Variants in CANT1 observed in about 807,000 individuals in gnomAD.
CANT1 encodes the protein soluble calcium-activated nucleotidase 1.
In CANT1, 26 loss-of-function variants were observed where a neutral mutation model predicts 30.0. That is an observed-to-expected ratio of 0.87 (90% CI 0.64 to 1.20). The LOEUF (loss-of-function observed/expected upper bound fraction) is 1.20. Among genes scored for constraint, CANT1 ranks in the 50% most tolerant of loss-of-function variants. The pLI, the probability that CANT1 is intolerant of heterozygous loss-of-function variation, is 0.00. For synonymous variants in CANT1, 246 were observed against 251.8 expected (o/e 0.98, Z 0.22); for missense variants, 518 against 563.0 (o/e 0.92, Z 0.81).
At chr17:79,004,249 G>C (rs573671708) in intron 1 of CANT1, among the ~76,000 whole-genome samples, 3 of 51,614 alleles carry the variant, frequency 5.8e-5, no homozygotes, top group African/African-American at 2.2e-4. Flanking sequence ...AGGGGAGCTA[G>C]GGAGAGGACA....
Position 79,005,144 on chromosome 17 carries a change from G to A in CANT1, c.-147+4520C>T, listed in dbSNP as rs1488070436. Among the ~76,000 whole-genome samples the A allele has an allele frequency of 4.9e-4, 40 of 81,566 alleles. No individual in the cohort carries two copies. In the East Asian group the frequency reaches 6.0e-3, roughly 12 times the overall value. 53.5% of individuals were successfully genotyped at this position (81,566 alleles called of 152,430 possible). On this transcript the variant is annotated intron_variant, in intron 1 of 4. Transcript: ENST00000392446. ...AGTTAGGGAGAGGGGATTTAGGGAG[G>A]GGGGAGTTAGGGAGAGGAGTTAAGG... is the stretch of plus-strand genomic sequence containing the variant.
chr17:79,005,806 G>A (rs1668228494), intron 1 of CANT1, among the ~76,000 whole-genome samples: 1 of 152,172 alleles, frequency 6.6e-6, no homozygotes, highest in Non-Finnish European at 1.5e-5. Context: ...CAAGGCAGAA[G>A]CCAAGGCCTT....
rs1277476861 is a variant in CANT1 at position 78,992,873 on chromosome 17, C to T, written c.*677G>A. 2 of 369,966 alleles carry T rather than the reference C, an allele frequency of 5.4e-6. No individual in the cohort carries two copies. The highest frequency in any genetic ancestry group is 2.0e-5 in the African/African-American group (1 of 49,178). 22.9% of individuals were successfully genotyped at this position (369,966 alleles called of 1,614,324 possible). On this transcript the variant is annotated 3_prime_UTR_variant, in exon 5 of 5. Coordinates refer to ENST00000392446, the MANE Select transcript of CANT1 (RefSeq NM_001159773.2). ...TAAAGCAGGTTAATAATTAAAACTT[C>T]AAAGTACTGCACAGCCACAGAATTT...
At chr17:79,007,467 ATCT>A (rs771118566) in intron 1 of CANT1, among the ~76,000 whole-genome samples, 5 of 152,182 alleles carry the variant, frequency 3.3e-5, no homozygotes, top group Non-Finnish European at 7.3e-5. Context: ...CAAGTCTCAG[ATCT>A]TCTGTTTTTG....
In CANT1 at chr17:78,996,933, C is replaced by T. The variant is rs1290683367; in HGVS notation, c.631+59G>A. 6.2e-7 allele frequency: 1 copy of T among 1,604,840 alleles called. No homozygotes were observed. Among genetic ancestry groups the T allele is most frequent in the Non-Finnish European group, 8.5e-7 (1 of 1,176,954 alleles). On this transcript the variant is annotated intron_variant, in intron 3 of 4. Transcript: ENST00000392446. The surrounding 1 kb of genome is among the most constrained non-coding windows in gnomAD (Gnocchi z 5.1). ...TTTACCATGTGCCTGTGTTTGCCAG[C>T]CAGGCCCTGAGCTCCCACTCCCCAC...
chr17:79,003,511 C>T (rs368197073), intron 1 of CANT1, among the ~76,000 whole-genome samples: 4 of 151,676 alleles, frequency 2.6e-5, no homozygotes, highest in South Asian at 2.1e-4. Flanking sequence ...AATGAACCGG[C>T]GAGGGTAAGA....
In CANT1 at chr17:78,995,151, C is replaced by G. The variant is rs1023756732; in HGVS notation, c.702G>C (p.Thr234=). The part of the protein sequence containing the change: ...LYVGGLGKEW[T]TTTGDVVNEN... ...CGTTCACCACATCACCCGTAGTGGT[C>G]GTCCACTCCTTGCCCAGGCCGCCCA... The change falls in exon 4 of 5, where the codon ACG becomes ACC. Residue 234 remains threonine (T), a synonymous_variant. Transcript: ENST00000392446. The surrounding 1 kb of genome is among the most constrained non-coding windows in gnomAD (Gnocchi z 5.7). 5 of 1,613,886 alleles carry G rather than the reference C, an allele frequency of 3.1e-6. No homozygotes were observed. The Admixed American group carries it at 6.7e-5, about 22-fold the overall frequency.
In CANT1 at chr17:79,006,888, C is replaced by T. The variant is rs191198575; in HGVS notation, c.-147+2776G>A. ...CACGCTTTCCTCCAGGCTCGGCTCC[C>T]GGGACACAAAGGCCGAATCGCCAGG... is the stretch of plus-strand genomic sequence containing the variant. On this transcript the variant is annotated intron_variant, in intron 1 of 4. Coordinates refer to ENST00000392446, the MANE Select transcript of CANT1 (RefSeq NM_001159773.2). Among the ~76,000 whole-genome samples the T allele has an allele frequency of 1.7e-3, 257 of 152,302 alleles. 2 individuals are homozygous for T. Among genetic ancestry groups the T allele is most frequent in the South Asian group, 2.1e-3 (10 of 4,824 alleles).
intron 1 of CANT1, chr17:79,006,016 G>T (rs2071537520): frequency 6.6e-6 from 1 of 152,254 alleles, no homozygotes; most frequent in Admixed American, 6.5e-5. Context: ...CAGAAAGGAA[G>T]AAGGTCACAG....
intron 4 of CANT1, 107 bp downstream of exon 4, chr17:78,994,911 C>T: frequency 8.5e-7 from 1 of 1,176,656 alleles, no homozygotes; most frequent in Non-Finnish European, 1.2e-6. Context: ...CAGAGCAAGA[C>T]TATGTCTAAA....
Position 78,997,443 on chromosome 17 carries a change from G to A in CANT1, c.180C>T (p.Cys60=), listed in dbSNP as rs776841249. ...GCCTGCCGGGGGCCGGGCGGTGGGA[G>A]CAGAGCAGCCAGAGGATGGCAGCAC... is the stretch of plus-strand genomic sequence containing the variant. The part of the protein sequence containing the change: ...FVGAAILWLL[C]SHRPAPGRPP... Residue 60 remains cysteine, a synonymous_variant, in exon 3 of 5, where the codon TGC becomes TGT. Coordinates refer to ENST00000392446, the MANE Select transcript of CANT1 (RefSeq NM_001159773.2). The surrounding 1 kb of genome is among the most constrained non-coding windows in gnomAD (Gnocchi z 7.5). 1.2e-6 allele frequency: 2 copies of A among 1,604,390 alleles called. No homozygotes were observed. The highest frequency in any genetic ancestry group is 2.2e-5 in the South Asian group (2 of 90,656).
chr17:79,005,128 GA>G (rs2071485393), intron 1 of CANT1, among the ~76,000 whole-genome samples: 1 of 92,058 alleles, frequency 1.1e-5, no homozygotes, highest in Non-Finnish European at 2.0e-5. Flanking sequence ...GAGTTAGGGA[GA>G]GGGGATTTAG....
chr17:79,000,674 C>G (rs920076346), intron 1 of CANT1, among the ~76,000 whole-genome samples: 1 of 152,228 alleles, frequency 6.6e-6, no homozygotes, highest in Non-Finnish European at 1.5e-5. Flanking sequence ...AGACCTCCTT[C>G]TGTCCCCTGA....
rs2070996677 is a variant in CANT1 at position 78,995,301 on chromosome 17, C to T, written c.632-80G>A. Reference sequence around the variant, plus strand: ...ACCTGGCTCCCACCCGGCCCCGCACCTGTCCTTAGACCCCGCACCTGACTC... The same window carrying T: ...ACCTGGCTCCCACCCGGCCCCGCACTTGTCCTTAGACCCCGCACCTGACTC... On this transcript the variant is annotated intron_variant, in intron 3 of 4. Coordinates refer to ENST00000392446, the MANE Select transcript of CANT1 (RefSeq NM_001159773.2). The surrounding 1 kb of genome is among the most constrained non-coding windows in gnomAD (Gnocchi z 5.7). 1 of 1,451,686 alleles carries T rather than the reference C, an allele frequency of 6.9e-7. No individual in the cohort carries two copies. Among genetic ancestry groups the T allele is most frequent in the East Asian group, 2.4e-5 (1 of 42,552 alleles). The allele number at this position is 1,451,686 out of a possible 1,614,324, so 89.9% of individuals were successfully genotyped here. A position where few individuals can be genotyped will look rare whatever the true frequency, so the allele number is the denominator to read the frequency against.
intron 1 of CANT1, among the ~76,000 whole-genome samples, chr17:79,000,640 C>G (rs967884629): frequency 2.6e-5 from 4 of 152,208 alleles, no homozygotes; most frequent in Non-Finnish European, 5.9e-5. Context: ...TGTACCATCT[C>G]CTCTGCCTGC....
intron 1 of CANT1, among the ~76,000 whole-genome samples, chr17:79,005,721 G>A (rs1216874270): frequency 6.6e-6 from 1 of 152,052 alleles, no homozygotes; most frequent in East Asian, 1.9e-4. Context: ...AGGCAGGCAG[G>A]CCTCAGAGTG....
chr17:79,002,455 G>C lies in CANT1; in HGVS notation c.-146-4492C>G, dbSNP rs533080988. ...AATGCAGTCTCCCGCCTAGTGTGTAGATGCGGCCTGTGTGGCCTGGTATGT... is the reference window on the plus strand; with the variant it reads ...AATGCAGTCTCCCGCCTAGTGTGTACATGCGGCCTGTGTGGCCTGGTATGT... On this transcript the variant is annotated intron_variant, in intron 1 of 4. Transcript: ENST00000392446. This position sits in a 1 kb window ranked among gnomAD's most constrained non-coding sequence, Gnocchi z 4.0. Among the ~76,000 whole-genome samples the C allele has an allele frequency of 1.3e-5, 2 of 152,334 alleles. No homozygotes were observed. The highest frequency in any genetic ancestry group is 4.1e-4 in the South Asian group (2 of 4,828).
rs1479822125 is a variant in CANT1, at chr17:78,997,030, C to G, written c.593G>C (p.Trp198Ser). ...GCCGTCGCCGTCGGACAGAATCACC[C>G]AGGGCACGGCTTTGCTGCCTTCGAT... ...YQIEGSKAVP[W>S]VILSDGDGTV... Residue 198 changes from tryptophan (W) to serine (S), a missense_variant, in exon 3 of 5, where the codon TGG (tryptophan) becomes TCG (serine). Around this residue, in one of 3 missense-constraint regions of CANT1, gnomAD observed 249 missense variants for 268.8 expected, o/e 0.93. Transcript: ENST00000392446. The surrounding 1 kb of genome is among the most constrained non-coding windows in gnomAD (Gnocchi z 7.5). The G allele has an allele frequency of 6.2e-7, 1 of 1,614,212 alleles. No individual in the cohort carries two copies. Among genetic ancestry groups the G allele is most frequent in the South Asian group, 1.1e-5 (1 of 91,092 alleles).
rs749661486 is a variant in CANT1 at position 78,997,361 on chromosome 17, T to C, written c.262A>G (p.Asn88Asp). The change falls in exon 3 of 5, where the codon AAT becomes GAT. Residue 88 changes from asparagine to aspartate, a missense_variant. Asn to Asp is a conservative substitution (Grantham distance 23). Transcript: ENST00000392446. This position sits in a 1 kb window ranked among gnomAD's most constrained non-coding sequence, Gnocchi z 7.5. ...RLGQAPANWY[N>D]DTYPLSPPQR... ...GGGGGAGACAGGGGGTAGGTGTCATTGTACCAGTTGGCGGGCGCCTGGCCG... is the reference window on the plus strand; with the variant it reads ...GGGGGAGACAGGGGGTAGGTGTCATCGTACCAGTTGGCGGGCGCCTGGCCG... 8.1e-6 allele frequency: 13 copies of C among 1,613,492 alleles called. No individual in the cohort carries two copies. The highest frequency in any genetic ancestry group is 1.6e-4 in the Middle Eastern group (1 of 6,082).
Sources: gnomAD v4.1 joint callset for allele counts (sites outside exome capture counted in the v4.1 genomes callset) on GRCh38, gnomAD v4.1.1 for gene constraint, gnomAD v4.1.1 regional missense constraint, Gnocchi (gnomAD v3.1) non-coding constraint, MANE v1.5 for transcripts, NCBI Gene and HGNC (gene_info 2026-07-23, HGNC 2026-07-21) for gene names.